The following FHIT variants were observed in gnomAD, a reference collection of about 807,000 sequenced individuals.
FHIT encodes the protein bis(5'-adenosyl)-triphosphatase.
A neutral mutation model predicts 17.9 loss-of-function variants in FHIT; 19 were observed. The ratio of observed to expected loss-of-function variants is 1.06; its 90% CI spans 0.74 to 1.56. The LOEUF is 1.56. Among genes scored for constraint, FHIT ranks in the 40% most tolerant of loss-of-function variants. FHIT has a pLI of 0.00. For missense variants in FHIT, 248 were observed against 189.2 expected, an observed-to-expected ratio of 1.31 and a Z score of -1.82; for synonymous variants, 81 against 69.7, an observed-to-expected ratio of 1.16 and a Z score of -0.81.
In FHIT at chr3:59,758,087, G is replaced by T; in HGVS notation, c.349-5766C>A. Among the ~76,000 whole-genome samples, 3 of 152,316 alleles carry T rather than the reference G, an allele frequency of 2.0e-5. No homozygotes were observed. In the Middle Eastern group the frequency reaches 0.01, roughly 518 times the overall value. On this transcript the variant is annotated intron_variant, in intron 8 of 9. Transcript: ENST00000492590. ...TCAAAGTGTTCTTGGAGTATCTGGGGCAGGGGGAGACAAAATAATTCTTGC... is the reference window on the plus strand; with the variant it reads ...TCAAAGTGTTCTTGGAGTATCTGGGTCAGGGGGAGACAAAATAATTCTTGC...
At chr3:60,200,145 G>A (rs1702831091) in intron 5 of FHIT, among the ~76,000 whole-genome samples, 1 of 152,138 alleles carries the variant, frequency 6.6e-6, no homozygotes, top group Non-Finnish European at 1.5e-5. Context: ...ATTAGGAACA[G>A]GGTGTCTCCA....
chr3:60,950,993 T>G (rs1553777107), intron 3 of FHIT, among the ~76,000 whole-genome samples: 1 of 152,150 alleles, frequency 6.6e-6, no homozygotes, highest in Non-Finnish European at 1.5e-5. Flanking sequence ...AGAAGAGAAA[T>G]GCCAAAACAT....
intron 4 of FHIT, among the ~76,000 whole-genome samples, chr3:60,549,907 C>T (rs927221701): frequency 6.6e-6 from 1 of 152,102 alleles, no homozygotes; most frequent in African/African-American, 2.4e-5. Context: ...TATTTTTATA[C>T]CCTGGCATTA....
At chr3:60,408,258 A>G (rs1382745785) in intron 5 of FHIT, among the ~76,000 whole-genome samples, 1 of 152,156 alleles carries the variant, frequency 6.6e-6, no homozygotes, top group Non-Finnish European at 1.5e-5. Flanking sequence ...CTCAGCCGAG[A>G]CTTGAGATGC....
At chr3:60,614,987 G>A (rs868923020) in intron 4 of FHIT, among the ~76,000 whole-genome samples, 3 of 151,790 alleles carry the variant, frequency 2.0e-5, no homozygotes, top group African/African-American at 4.8e-5. Flanking sequence ...CCACAACCAC[G>A]CCCGGCTAAT....
At chr3:60,933,007 A>G (rs1350030972) in intron 3 of FHIT, among the ~76,000 whole-genome samples, 1 of 152,208 alleles carries the variant, frequency 6.6e-6, no homozygotes, top group Non-Finnish European at 1.5e-5. Context: ...GCTCGTGGAG[A>G]ATTTGTAATT....
At chr3:61,195,164 A>C (rs945071431) in intron 2 of FHIT, among the ~76,000 whole-genome samples, 1 of 152,108 alleles carries the variant, frequency 6.6e-6, no homozygotes, top group Admixed American at 6.5e-5. Context: ...AGTTAAGTAC[A>C]GGGACAAAGT....
In FHIT at chr3:59,851,459, C is replaced by G. The variant is rs1008502214; in HGVS notation, c.348+70887G>C. On this transcript the variant is annotated intron_variant, in intron 8 of 9. Coordinates refer to ENST00000492590, the MANE Select transcript of FHIT (RefSeq NM_002012.4). Reference sequence around the variant, plus strand: ...TATCTCAATTTAACAGAGAAGAAGGCAAAGTGTGAAAAACTAAGTAACTTG... The same window carrying G: ...TATCTCAATTTAACAGAGAAGAAGGGAAAGTGTGAAAAACTAAGTAACTTG... Among the ~76,000 whole-genome samples the G allele has an allele frequency of 3.3e-5, 5 of 152,092 alleles. No homozygotes were observed. The East Asian group carries it at 9.6e-4, about 29-fold the overall frequency.
chr3:60,249,497 G>T (rs771601277), intron 5 of FHIT, among the ~76,000 whole-genome samples: 12 of 151,924 alleles, frequency 7.9e-5, no homozygotes, highest in Non-Finnish European at 1.5e-4. Context: ...TGGCTCAGGG[G>T]ATGAGTGAGA....
intron 4 of FHIT, among the ~76,000 whole-genome samples, chr3:60,794,021 T>C (rs1553729425): frequency 6.6e-6 from 1 of 151,966 alleles, no homozygotes; most frequent in African/African-American, 2.4e-5. Flanking sequence ...AAAATGAGGG[T>C]AGAATAAGGT....
chr3:60,115,750 C>T (rs1243981654), intron 5 of FHIT, among the ~76,000 whole-genome samples: 1 of 152,056 alleles, frequency 6.6e-6, no homozygotes, highest in Admixed American at 6.6e-5. Context: ...GTTTTCAATA[C>T]TTCATAAAAT....
At chr3:60,086,257 G>A (rs1204895374) in intron 5 of FHIT, among the ~76,000 whole-genome samples, 1 of 152,050 alleles carries the variant, frequency 6.6e-6, no homozygotes, top group Admixed American at 6.6e-5. Context: ...ATTCATGAAG[G>A]ATCTGCCCTC....
intron 7 of FHIT, among the ~76,000 whole-genome samples, chr3:59,955,303 C>T (rs1707337315): frequency 6.6e-6 from 1 of 152,210 alleles, no homozygotes; most frequent in South Asian, 2.1e-4. Context: ...GGCACCGGCT[C>T]CTGGGATAGC....
chr3:60,069,114 C>A (rs1053451987), intron 5 of FHIT, among the ~76,000 whole-genome samples: 4 of 143,972 alleles, frequency 2.8e-5, no homozygotes, highest in Non-Finnish European at 6.0e-5. Context: ...TGTTTATAAT[C>A]AAATCTAGAT....
At chr3:60,682,628 C>A (rs2040776739) in intron 4 of FHIT, among the ~76,000 whole-genome samples, 2 of 152,160 alleles carry the variant, frequency 1.3e-5, no homozygotes, top group Admixed American at 1.3e-4. Context: ...AATATTACTG[C>A]TCACTGAAAA....
intron 4 of FHIT, among the ~76,000 whole-genome samples, chr3:60,691,090 G>T (rs2040978099): frequency 6.6e-6 from 1 of 152,006 alleles, no homozygotes; most frequent in Admixed American, 6.6e-5. Flanking sequence ...AATGTTGCCT[G>T]GAGTACGGAA....
chr3:61,232,843 G>T (rs771622530), intron 1 of FHIT, among the ~76,000 whole-genome samples: 1 of 152,092 alleles, frequency 6.6e-6, no homozygotes, highest in Non-Finnish European at 1.5e-5. Flanking sequence ...TAAATAAATA[G>T]AATATTCACA....
intron 5 of FHIT, among the ~76,000 whole-genome samples, chr3:60,456,902 T>C (rs2032131033): frequency 6.6e-6 from 1 of 152,144 alleles, no homozygotes; most frequent in African/African-American, 2.4e-5. Flanking sequence ...CAAGGAGAAC[T>C]ACAAACCACT....
chr3:60,157,391 T>C (rs1700748789), intron 5 of FHIT, among the ~76,000 whole-genome samples: 2 of 152,246 alleles, frequency 1.3e-5, no homozygotes, highest in African/African-American at 4.8e-5. Context: ...CACAATTCTC[T>C]GGCTGGCTGT....
Sources: gnomAD v4.1 joint callset for allele counts (sites outside exome capture counted in the v4.1 genomes callset) on GRCh38, gnomAD v4.1.1 for gene constraint, MANE v1.5 for transcripts, NCBI Gene and HGNC (gene_info 2026-07-23, HGNC 2026-07-21) for gene names.